Variants in GIGYF2 observed in about 807,000 individuals in gnomAD.
The protein encoded by GIGYF2 is GRB10 interacting GYF protein 2, also known as GRB10-interacting GYF protein 2.
In GIGYF2, 25 loss-of-function variants were observed where a neutral mutation model predicts 208.1. The observed-to-expected ratio is 0.12, with a 90% CI of 0.09 to 0.17. The LOEUF (loss-of-function observed/expected upper bound fraction) is 0.17, where lower values mean the gene tolerates loss of function less well. Among genes scored for constraint, GIGYF2 ranks in the 10% least tolerant of loss-of-function variants. The pLI, the probability that GIGYF2 is intolerant of heterozygous loss-of-function variation, is 1.00. For missense variants in GIGYF2, 1,302 were observed against 1,579.4 expected (o/e 0.82, Z 2.98); for synonymous variants, 534 against 543.8 (o/e 0.98, Z 0.25).
chr2:232,728,837 A>C (rs915712279), intron 2 of GIGYF2, among the ~76,000 whole-genome samples: 6 of 152,230 alleles, frequency 3.9e-5, no homozygotes, highest in African/African-American at 1.4e-4. Context: ...AGTTTCAACA[A>C]AAAACAGTCT....
intron 28 of GIGYF2, among the ~76,000 whole-genome samples, chr2:232,851,060 G>T (rs1326577466): frequency 6.6e-6 from 1 of 152,118 alleles, no homozygotes; most frequent in Non-Finnish European, 1.5e-5. Context: ...AAGGCAGGCT[G>T]GGCACGGTGG....
At chr2:232,767,088 CTA>C (rs1698999427) in intron 8 of GIGYF2, 1 of 152,076 alleles carries the variant, frequency 6.6e-6, no homozygotes, top group South Asian at 2.1e-4. Flanking sequence ...TTTTTATAGA[CTA>C]TTAGATTTAG....
intron 4 of GIGYF2, among the ~76,000 whole-genome samples, chr2:232,748,620 C>T (rs1196457851): frequency 6.6e-6 from 1 of 152,138 alleles, no homozygotes; most frequent in Non-Finnish European, 1.5e-5. Flanking sequence ...TCGAGAATTT[C>T]AGATTTTAAT....
intron 21 of GIGYF2, among the ~76,000 whole-genome samples, chr2:232,821,517 A>G (rs192054510): frequency 1.9e-4 from 29 of 151,878 alleles, no homozygotes; most frequent in Admixed American, 3.9e-4. Context: ...CAATTTATCT[A>G]TTTTTTTTCT....
intron 12 of GIGYF2, among the ~76,000 whole-genome samples, chr2:232,792,541 C>T (rs1045726646): frequency 2.0e-5 from 3 of 152,064 alleles, no homozygotes; most frequent in Non-Finnish European, 4.4e-5. Context: ...AGTTTGAGAA[C>T]AGTGTGGACA....
rs1261411981 is a variant in GIGYF2 at position 232,856,852 on chromosome 2, G to T, written c.3892G>T (p.Asp1298Tyr). The change falls in exon 29 of 29, where the codon GAC becomes TAC. Residue 1298 changes from aspartate (D) to tyrosine (Y), a missense_variant. By Grantham distance (160) the Asp-to-Tyr change is radical. Coordinates refer to ENST00000373563, the MANE Select transcript of GIGYF2 (RefSeq NM_001103146.3). ...LNMGEIETLDDY is the reference protein window; with the variant it reads ...LNMGEIETLDYY ...CATGGGTGAAATCGAGACGTTGGATGACTACTGAGCACCTGCCAGTGGACT... is the reference window on the plus strand; with the variant it reads ...CATGGGTGAAATCGAGACGTTGGATTACTACTGAGCACCTGCCAGTGGACT... 1 of 1,609,456 alleles carries T rather than the reference G, an allele frequency of 6.2e-7. No individual in the cohort carries two copies. Among genetic ancestry groups the T allele is most frequent in the Non-Finnish European group, 8.5e-7 (1 of 1,175,760 alleles).
At chr2:232,751,000 C>T (rs747410286) in intron 5 of GIGYF2, among the ~76,000 whole-genome samples, 13 of 151,932 alleles carry the variant, frequency 8.6e-5, no homozygotes, top group Admixed American at 2.6e-4. Flanking sequence ...TGGCTAGTTT[C>T]GTTTTTTGTA....
chr2:232,799,215 A>G (rs769677826), intron 14 of GIGYF2, among the ~76,000 whole-genome samples: 7 of 151,914 alleles, frequency 4.6e-5, no homozygotes, highest in Non-Finnish European at 8.8e-5. Flanking sequence ...ATTGATGGAC[A>G]CTTGGATTGT....
chr2:232,763,906 T>C (rs1698844469), intron 8 of GIGYF2, among the ~76,000 whole-genome samples: 1 of 152,150 alleles, frequency 6.6e-6, no homozygotes. Context: ...TTGATCATGA[T>C]TGACCATAGT....
chr2:232,848,968 G>A (rs983990169), intron 27 of GIGYF2, among the ~76,000 whole-genome samples: 13 of 152,162 alleles, frequency 8.5e-5, no homozygotes, highest in African/African-American at 1.9e-4. Flanking sequence ...CAAGGCTCAT[G>A]GAAGGGCTTA....
intron 21 of GIGYF2, among the ~76,000 whole-genome samples, chr2:232,832,148 T>C (rs1335756718): frequency 6.6e-6 from 1 of 152,108 alleles, no homozygotes; most frequent in Non-Finnish European, 1.5e-5. Flanking sequence ...AGTCTCCGAG[T>C]GGCTGACTTC....
At chr2:232,764,054 A>T (rs1481111465) in intron 8 of GIGYF2, among the ~76,000 whole-genome samples, 1 of 152,226 alleles carries the variant, frequency 6.6e-6, no homozygotes, top group Non-Finnish European at 1.5e-5. Context: ...TATTGTTGGT[A>T]TGCTGATCAG....
chr2:232,720,340 A>G (rs1354904584), intron 2 of GIGYF2, among the ~76,000 whole-genome samples: 2 of 152,124 alleles, frequency 1.3e-5, no homozygotes, highest in African/African-American at 2.4e-5. Context: ...AATCCAGTCT[A>G]TGATGGACAT....
rs1423491638 is a variant in GIGYF2, at chr2:232,787,341, G to C, written c.712+12G>C. 3.1e-6 allele frequency: 5 copies of C among 1,610,190 alleles called. No homozygotes were observed. The South Asian group carries it at 4.4e-5, about 14-fold the overall frequency. On this transcript the variant is annotated intron_variant, in intron 9 of 28. Transcript: ENST00000373563. ...ACCTCACAGTCCTGGTAAGAATTCT[G>C]TTGAGTAAAGGCACACAGGGACTGA...
intron 1 of GIGYF2, among the ~76,000 whole-genome samples, chr2:232,699,036 T>C (rs1381925884): frequency 6.6e-6 from 1 of 152,060 alleles, no homozygotes; most frequent in African/African-American, 2.4e-5. Context: ...GATAAATAGG[T>C]AAAATACTTG....
chr2:232,749,535 G>A (rs1430545059), intron 5 of GIGYF2, among the ~76,000 whole-genome samples: 1 of 152,152 alleles, frequency 6.6e-6, no homozygotes, highest in East Asian at 1.9e-4. Flanking sequence ...GAGAGAGAGA[G>A]TGATGTGAGA....
At chr2:232,852,611 A>T (rs1291175640) in intron 28 of GIGYF2, among the ~76,000 whole-genome samples, 1 of 152,088 alleles carries the variant, frequency 6.6e-6, no homozygotes, top group Non-Finnish European at 1.5e-5. Flanking sequence ...ATAACAAAGA[A>T]TTGGTGCCTG....
intron 15 of GIGYF2, among the ~76,000 whole-genome samples, chr2:232,808,297 T>G (rs2106381772): frequency 6.6e-6 from 1 of 152,346 alleles, no homozygotes; most frequent in Non-Finnish European, 1.5e-5. Flanking sequence ...AAGATGAGTT[T>G]TGATCTTACA....
At chr2:232,821,167 A>G (rs2106396794) in intron 21 of GIGYF2, among the ~76,000 whole-genome samples, 1 of 151,400 alleles carries the variant, frequency 6.6e-6, no homozygotes, top group South Asian at 2.1e-4. Context: ...TCACTTTGAC[A>G]ATGTCCAATT....
Sources: allele counts gnomAD v4.1 joint callset (sites outside exome capture counted in the v4.1 genomes callset), GRCh38; gene constraint gnomAD v4.1.1; transcripts MANE v1.5; gene names NCBI Gene and HGNC (gene_info 2026-07-23, HGNC 2026-07-21).